RAB38: variants seen among roughly 807,000 people sequenced by gnomAD.
RAB38 encodes ras-related protein Rab-38.
A neutral mutation model predicts 18.4 loss-of-function variants in RAB38; 15 were observed. The ratio of observed to expected loss-of-function variants is 0.82; its 90% CI spans 0.55 to 1.26. The LOEUF is 1.26. Among genes scored for constraint, RAB38 ranks in the 50% most tolerant of loss-of-function variants. The pLI is 0.00. For synonymous variants in RAB38, 101 were observed against 104.4 expected (o/e 0.97, Z 0.20); for missense variants, 294 against 267.4 (o/e 1.10, Z -0.69).
chr11:88,155,128 C>T (rs78843603), intron 1 of RAB38, among the ~76,000 whole-genome samples: 1 of 152,218 alleles, frequency 6.6e-6, no homozygotes, highest in Admixed American at 6.5e-5. Flanking sequence ...AGCTGCCCCC[C>T]AGATTCTCCC....
At chr11:87,966,936 A>G in the RAB38 span, among the ~76,000 whole-genome samples, 1 of 152,184 alleles carries the variant, frequency 6.6e-6, no homozygotes, top group East Asian at 1.9e-4. Context: ...TAAAGCTTCT[A>G]AGTTCCCAAA....
the RAB38 span, among the ~76,000 whole-genome samples, chr11:88,006,602 TAC>T: frequency 2.2e-5 from 3 of 134,684 alleles, no homozygotes; most frequent in Non-Finnish European, 4.7e-5. Context: ...ATAATATATA[TAC>T]ACATTATATA....
At chr11:87,974,055 G>C in the RAB38 span, among the ~76,000 whole-genome samples, 5 of 151,870 alleles carry the variant, frequency 3.3e-5, no homozygotes, top group Admixed American at 6.6e-5. Flanking sequence ...CCCCTACCAT[G>C]TATCATCAAC....
chr11:88,175,079 G>A (rs183646796), intron 1 of RAB38, 104 bp downstream of exon 1: 11 of 1,307,736 alleles, frequency 8.4e-6, no homozygotes, highest in African/African-American at 1.5e-5. Context: ...ACTGCCTCGC[G>A]ACCTAGTGAT....
chr11:87,858,580 A>C, the RAB38 span, among the ~76,000 whole-genome samples: 3 of 152,164 alleles, frequency 2.0e-5, no homozygotes, highest in Non-Finnish European at 4.4e-5. Context: ...CTCCACACAA[A>C]AAATTTATTC....
the RAB38 span, among the ~76,000 whole-genome samples, chr11:88,073,674 C>T: frequency 6.6e-6 from 1 of 151,430 alleles, no homozygotes; most frequent in South Asian, 2.1e-4. Flanking sequence ...TTCTCAAATG[C>T]ACAAAGGAAC....
chr11:87,919,382 A>C, the RAB38 span, among the ~76,000 whole-genome samples: 20 of 151,410 alleles, frequency 1.3e-4, no homozygotes, highest in East Asian at 3.7e-3. Flanking sequence ...TTTTTATTTT[A>C]TTAATGTGAT....
At chr11:87,808,399 T>C in the RAB38 span, among the ~76,000 whole-genome samples, 1 of 152,180 alleles carries the variant, frequency 6.6e-6, no homozygotes, top group Non-Finnish European at 1.5e-5. Context: ...TATCCTGTTA[T>C]TTGTGACAAA....
the RAB38 span, among the ~76,000 whole-genome samples, chr11:87,865,950 A>G: frequency 6.6e-6 from 1 of 151,756 alleles, no homozygotes; most frequent in Admixed American, 6.6e-5. Flanking sequence ...AGAGGCAGTT[A>G]CAGATACACT....
chr11:87,882,034 T>C, the RAB38 span, among the ~76,000 whole-genome samples: 2 of 151,864 alleles, frequency 1.3e-5, no homozygotes, highest in African/African-American at 4.8e-5. Context: ...GCACAGTTAT[T>C]GTCAGAAGCT....
At chr11:88,030,975 C>G in the RAB38 span, among the ~76,000 whole-genome samples, 1 of 150,744 alleles carries the variant, frequency 6.6e-6, no homozygotes, top group Non-Finnish European at 1.5e-5. Flanking sequence ...TGCAAAAATC[C>G]TCAATAAAAT....
chr11:88,017,364 T>C, the RAB38 span, among the ~76,000 whole-genome samples: 1 of 150,438 alleles, frequency 6.6e-6, no homozygotes, highest in African/African-American at 2.4e-5. Flanking sequence ...TATAGACACA[T>C]ACACACACAC....
At chr11:88,120,586 A>G (rs1254112836) in intron 2 of RAB38, among the ~76,000 whole-genome samples, 1 of 152,214 alleles carries the variant, frequency 6.6e-6, no homozygotes, top group Non-Finnish European at 1.5e-5. Context: ...AACATAGGAC[A>G]AAGTCACATT....
chr11:87,926,756 G>A, the RAB38 span, among the ~76,000 whole-genome samples: 2 of 152,068 alleles, frequency 1.3e-5, no homozygotes, highest in Admixed American at 6.6e-5. Flanking sequence ...GGACCTGACC[G>A]GCTAATCTGT....
chr11:87,836,328 A>C, the RAB38 span, among the ~76,000 whole-genome samples: 1 of 152,152 alleles, frequency 6.6e-6, no homozygotes, highest in African/African-American at 2.4e-5. Flanking sequence ...TTTCTCTGGC[A>C]TTCCTTTTTC....
chr11:88,054,029 G>A, the RAB38 span, among the ~76,000 whole-genome samples: 1 of 152,214 alleles, frequency 6.6e-6, no homozygotes, highest in East Asian at 1.9e-4. Flanking sequence ...CATTAAACCT[G>A]CCTTGATCTC....
chr11:88,004,919 G>T, the RAB38 span, among the ~76,000 whole-genome samples: 1 of 151,268 alleles, frequency 6.6e-6, no homozygotes, highest in Non-Finnish European at 1.5e-5. Context: ...TACAGGGTTA[G>T]ATTGAACAAA....
At chr11:87,899,046 A>G in the RAB38 span, among the ~76,000 whole-genome samples, 1 of 151,784 alleles carries the variant, frequency 6.6e-6, no homozygotes, top group East Asian at 2.0e-4. Flanking sequence ...ACAATCGCTA[A>G]TAGTAGACTT....
chr11:88,087,260 C>T, the RAB38 span, among the ~76,000 whole-genome samples: 2 of 151,724 alleles, frequency 1.3e-5, no homozygotes, highest in Non-Finnish European at 2.9e-5. Context: ...GGGAAGAGAC[C>T]ACACTTGGCC....
Sources: allele counts gnomAD v4.1 joint callset (sites outside exome capture counted in the v4.1 genomes callset), GRCh38; gene constraint gnomAD v4.1.1; transcripts MANE v1.5; gene names NCBI Gene and HGNC (gene_info 2026-07-23, HGNC 2026-07-21).